The following ATXN2 variants were observed in gnomAD, a reference collection of about 807,000 sequenced individuals.
The protein encoded by ATXN2 is ataxin 2.
A neutral mutation model predicts 138.6 loss-of-function variants in ATXN2; 37 were observed. That is an observed-to-expected ratio of 0.27 (90% confidence interval 0.21 to 0.35). The LOEUF is 0.35. Among genes scored for constraint, ATXN2 ranks in the 10% least tolerant of loss-of-function variants. The pLI is 1.00. For missense variants in ATXN2, 1,216 were observed against 1,480.3 expected, an observed-to-expected ratio of 0.82 and a Z score of 2.93; for synonymous variants, 549 against 543.7, an observed-to-expected ratio of 1.01 and a Z score of -0.13.
In ATXN2 at chr12:111,453,920, C is replaced by T; in HGVS notation, c.3271-75G>A. On this transcript the variant is annotated intron_variant, in intron 23 of 24. Transcript: ENST00000673436. This position sits in a 1 kb window ranked among gnomAD's most constrained non-coding sequence, Gnocchi z 5.4. ...CAACATGTCAACTGTGTTCCTTTCA[C>T]TGGGCTGGGACTCTCAGGAAAGGGC... is the stretch of plus-strand genomic sequence containing the variant. The T allele has an allele frequency of 6.8e-7, 1 of 1,477,234 alleles. No homozygotes were observed. Among genetic ancestry groups the T allele is most frequent in the Non-Finnish European group, 9.2e-7 (1 of 1,088,588 alleles). The allele number at this position is 1,477,234 out of a possible 1,614,324, so 91.5% of individuals were successfully genotyped here. A position where few individuals can be genotyped will look rare whatever the true frequency, so the allele number is the denominator to read the frequency against.
At chr12:111,544,381 C>T (rs1299623492) in intron 5 of ATXN2, among the ~76,000 whole-genome samples, 1 of 152,184 alleles carries the variant, frequency 6.6e-6, no homozygotes, top group East Asian at 1.9e-4. Flanking sequence ...CACTGAATTT[C>T]ATTTATTCAA....
rs985532379 is a variant in ATXN2, at chr12:111,540,764, G to A, written c.571+11516C>T. ...AGCTGGAGTGATGTGGCACAATCTC[G>A]GCTCACTGCAACCTCCACTTCCCAA... On this transcript the variant is annotated intron_variant, in intron 5 of 24. Coordinates refer to ENST00000673436, the MANE Select transcript of ATXN2 (RefSeq NM_001372574.1). 2.1e-5 allele frequency among the ~76,000 whole-genome samples: 3 copies of A among 143,746 alleles called. 1 individual carries two copies. Among genetic ancestry groups the A allele is most frequent in the Non-Finnish European group, 4.6e-5 (3 of 65,302 alleles). The allele number at this position is 143,746 out of a possible 152,430, so 94.3% of individuals were successfully genotyped here.
intron 14 of ATXN2, among the ~76,000 whole-genome samples, chr12:111,501,908 T>C (rs892104381): frequency 1.3e-5 from 2 of 151,908 alleles, no homozygotes; most frequent in East Asian, 1.9e-4. Flanking sequence ...TTTTTTTTTT[T>C]CCAAACAGGG....
chr12:111,455,673 A>G (rs1338719687), intron 23 of ATXN2: 1 of 337,248 alleles, frequency 3.0e-6, no homozygotes. Flanking sequence ...CTGGCTTCCA[A>G]GGTAAGTGTG....
chr12:111,588,220 T>TAAATAAAA (rs1158535650), intron 1 of ATXN2, among the ~76,000 whole-genome samples: 4 of 151,038 alleles, frequency 2.6e-5, no homozygotes, highest in African/African-American at 9.8e-5. Context: ...AATAAATAAA[T>TAAATAAAA]AAAACAAATT....
At chr12:111,507,156 G>A (rs1350418261) in intron 14 of ATXN2, among the ~76,000 whole-genome samples, 3 of 146,632 alleles carry the variant, frequency 2.0e-5, no homozygotes, top group Non-Finnish European at 3.0e-5. Flanking sequence ...CCCTCTGCCC[G>A]GCTGCCCAGT....
intron 6 of ATXN2, 140 bp downstream of exon 6, chr12:111,525,052 C>G (rs1464407125): frequency 9.2e-7 from 1 of 1,092,230 alleles, no homozygotes; most frequent in Non-Finnish European, 1.2e-6. Flanking sequence ...GGGAGAAAGT[C>G]TCTAGTTATA....
At chr12:111,530,658 C>G (rs1880770178) in intron 5 of ATXN2, among the ~76,000 whole-genome samples, 1 of 152,096 alleles carries the variant, frequency 6.6e-6, no homozygotes, top group South Asian at 2.1e-4. Context: ...ACTAAAAATA[C>G]AAAAAGTTAG....
chr12:111,504,956 G>A (rs1056145666), intron 14 of ATXN2, among the ~76,000 whole-genome samples: 2 of 152,206 alleles, frequency 1.3e-5, no homozygotes, highest in African/African-American at 4.8e-5. Context: ...AGTCCGCAGT[G>A]CAAGGTGAAA....
chr12:111,550,597 C>T (rs984285877), intron 5 of ATXN2, among the ~76,000 whole-genome samples: 3 of 151,964 alleles, frequency 2.0e-5, no homozygotes, highest in African/African-American at 7.3e-5. Context: ...ATTTAGTGCT[C>T]CTAGACATAA....
intron 23 of ATXN2, chr12:111,454,779 C>G (rs1874938292): frequency 4.5e-6 from 2 of 447,008 alleles, no homozygotes; most frequent in South Asian, 5.2e-5. Flanking sequence ...TTTGCCCTTT[C>G]AGCACAAAAA....
chr12:111,493,344 TG>T (rs1210592897), intron 14 of ATXN2, among the ~76,000 whole-genome samples: 3 of 138,494 alleles, frequency 2.2e-5, no homozygotes, highest in African/African-American at 8.4e-5. Flanking sequence ...CGCTTGAACC[TG>T]GGAGTTGGAG....
At chr12:111,592,584 A>C (rs1378936866) in intron 1 of ATXN2, among the ~76,000 whole-genome samples, 1 of 151,850 alleles carries the variant, frequency 6.6e-6, no homozygotes, top group Middle Eastern at 3.4e-3. Flanking sequence ...GGAGTTTGAG[A>C]CCATTCTAGC....
intron 20 of ATXN2, among the ~76,000 whole-genome samples, chr12:111,465,955 C>T (rs1378211789): frequency 1.4e-5 from 2 of 147,034 alleles, no homozygotes; most frequent in Non-Finnish European, 1.5e-5. Flanking sequence ...CACCTGAGGT[C>T]GGGAATTCAA....
chr12:111,557,021 G>T (rs1882429703), intron 1 of ATXN2, among the ~76,000 whole-genome samples: 1 of 152,068 alleles, frequency 6.6e-6, no homozygotes, highest in Admixed American at 6.6e-5. Flanking sequence ...AAGTAAAGAT[G>T]AATTCTATTT....
At chr12:111,528,242 A>G (rs2135751089) in intron 5 of ATXN2, among the ~76,000 whole-genome samples, 1 of 152,352 alleles carries the variant, frequency 6.6e-6, no homozygotes, top group Admixed American at 6.5e-5. Flanking sequence ...ATAGAACCAT[A>G]TAAACGGATT....
At chr12:111,533,512 AT>A (rs559080592) in intron 5 of ATXN2, among the ~76,000 whole-genome samples, 1,672 of 148,188 alleles carry the variant, frequency 0.011, 21 homozygotes, top group African/African-American at 0.029. Context: ...TTCCCATATA[AT>A]TTTTTTTTTT....
intron 1 of ATXN2, among the ~76,000 whole-genome samples, chr12:111,580,865 G>A (rs1421835313): frequency 6.6e-6 from 1 of 152,132 alleles, no homozygotes; most frequent in Non-Finnish European, 1.5e-5. Context: ...GAAAGGCCAG[G>A]CATGGTGGCT....
intron 1 of ATXN2, among the ~76,000 whole-genome samples, chr12:111,577,414 C>T (rs1350912854): frequency 2.0e-5 from 3 of 151,840 alleles, no homozygotes; most frequent in Non-Finnish European, 2.9e-5. Context: ...TACAGGCGCC[C>T]GCCACCACAC....
Sources: allele counts gnomAD v4.1 joint callset (sites outside exome capture counted in the v4.1 genomes callset), GRCh38; gene constraint gnomAD v4.1.1; non-coding constraint Gnocchi (gnomAD v3.1); transcripts MANE v1.5; gene names NCBI Gene and HGNC (gene_info 2026-07-23, HGNC 2026-07-21).